Variants in NAV1 observed in about 807,000 individuals in gnomAD.
NAV1 encodes the protein neuron navigator 1.
In NAV1, 18 loss-of-function variants were observed where a neutral mutation model predicts 175.2. The ratio of observed to expected loss-of-function variants is 0.10; its 90% CI spans 0.07 to 0.15. The LOEUF (loss-of-function observed/expected upper bound fraction) is 0.15, where lower values mean the gene tolerates loss of function less well. NAV1 is among the 10% of genes least tolerant of loss of function. NAV1 has a pLI of 1.00. For synonymous variants in NAV1, 897 were observed against 978.7 expected, an observed-to-expected ratio of 0.92 and a Z score of 1.56; for missense variants, 1,731 against 2,436.6, an observed-to-expected ratio of 0.71 and a Z score of 6.10.
At chr1:201,779,598 C>CAACAAAA (rs1676179171) in intron 3 of NAV1, among the ~76,000 whole-genome samples, 1 of 69,076 alleles carries the variant, frequency 1.4e-5, no homozygotes, top group Non-Finnish European at 2.4e-5. Flanking sequence ...GACTCCGTCT[C>CAACAAAA]AAAAAAAAAA....
chr1:201,633,322 C>T (rs1311397897), intron 2 of NAV1, among the ~76,000 whole-genome samples: 1 of 152,172 alleles, frequency 6.6e-6, no homozygotes, highest in Non-Finnish European at 1.5e-5. Context: ...TCATGAATAC[C>T]TTATATAATC....
In NAV1 at chr1:201,690,350, C is replaced by A. The variant is rs542546196; in HGVS notation, c.758-22467C>A. ...CAGTGTGTGTCTGTTTCCTCTGTGG[C>A]CTATATGTGGCAGAATGTGTCTATT... is the stretch of plus-strand genomic sequence containing the variant. On this transcript the variant is annotated intron_variant, in intron 1 of 29. Transcript: ENST00000367296. Among the ~76,000 whole-genome samples, 7 of 86,606 alleles carry A rather than the reference C, an allele frequency of 8.1e-5. 1 individual carries two copies. The East Asian group carries it at 2.2e-3, about 28-fold the overall frequency. 56.8% of individuals were successfully genotyped at this position (86,606 alleles called of 152,430 possible).
chr1:201,716,574 G>C (rs1361428316), intron 2 of NAV1, among the ~76,000 whole-genome samples: 8 of 152,238 alleles, frequency 5.3e-5, no homozygotes, highest in Admixed American at 5.2e-4. Flanking sequence ...AGAACACAAA[G>C]GGGTTCCTAA....
At chr1:201,549,868 G>T (rs748121688) in intron 1 of NAV1, among the ~76,000 whole-genome samples, 82 of 151,502 alleles carry the variant, frequency 5.4e-4, no homozygotes, top group Non-Finnish European at 8.4e-4. Context: ...AAAATTAGCC[G>T]GGTGTGGTGG....
At chr1:201,676,256 C>T (rs916981738) in intron 1 of NAV1, among the ~76,000 whole-genome samples, 29 of 152,192 alleles carry the variant, frequency 1.9e-4, no homozygotes, top group African/African-American at 7.0e-4. Flanking sequence ...CAGCCACTCC[C>T]TCTGCTTTTA....
chr1:201,573,652 T>C (rs1168441235), intron 1 of NAV1, among the ~76,000 whole-genome samples: 1 of 152,214 alleles, frequency 6.6e-6, no homozygotes. Context: ...AGGGATCTTG[T>C]GATGATTAAG....
exon 7 of NAV1, chr1:201,783,691 G>T: frequency 6.2e-7 from 1 of 1,614,198 alleles, no homozygotes; most frequent in East Asian, 2.2e-5. Flanking sequence ...TCTCAGGCCT[G>T]CACAGGAGCA....
At chr1:201,742,716 G>C (rs1673502255) in intron 3 of NAV1, among the ~76,000 whole-genome samples, 1 of 152,150 alleles carries the variant, frequency 6.6e-6, no homozygotes, top group South Asian at 2.1e-4. Flanking sequence ...CCCTGGGGCA[G>C]AGGGCTTCGG....
intron 1 of NAV1, among the ~76,000 whole-genome samples, chr1:201,686,553 G>A (rs1458746838): frequency 6.6e-6 from 1 of 152,194 alleles, no homozygotes; most frequent in African/African-American, 2.4e-5. Flanking sequence ...TCTCTAGTGT[G>A]TCCCAGACAT....
exon 30 of NAV1, chr1:201,822,140 A>G (rs1679422491): frequency 6.6e-6 from 1 of 152,624 alleles, no homozygotes; most frequent in African/African-American, 2.4e-5. Flanking sequence ...TGCTAATTCC[A>G]TGAGCTGTGA....
Position 201,810,677 on chromosome 1 carries a change from C to T in NAV1, c.4716C>T (p.Ala1572=), listed in dbSNP as rs200692891. The T allele has an allele frequency of 2.1e-5, 34 of 1,614,148 alleles. 1 individual carries two copies. The highest frequency in any genetic ancestry group is 1.4e-4 in the South Asian group (13 of 91,084). Residue 1572 remains alanine, a synonymous_variant, in exon 24 of 30, where the codon GCC becomes GCT. Transcript: ENST00000367296. The surrounding 1 kb of genome is among the most constrained non-coding windows in gnomAD (Gnocchi z 6.0). The stretch of plus-strand genomic sequence containing the variant: ...AGACCTACCTGACCAATCGCTTGGC[C>T]GAGTACCTGGTGGAGCGCTCTGGCC...
intron 2 of NAV1, among the ~76,000 whole-genome samples, chr1:201,605,598 T>C (rs1482709840): frequency 6.6e-6 from 1 of 152,184 alleles, no homozygotes; most frequent in African/African-American, 2.4e-5. Context: ...CGGGCATTTT[T>C]TGTTTAGACA....
intron 7 of NAV1, among the ~76,000 whole-genome samples, chr1:201,784,361 T>G (rs1676549393): frequency 6.6e-6 from 1 of 152,190 alleles, no homozygotes; most frequent in South Asian, 2.1e-4. Flanking sequence ...TTTCACCATG[T>G]TGGCCAGGCT....
intron 2 of NAV1, among the ~76,000 whole-genome samples, chr1:201,630,861 T>G (rs1213633822): frequency 2.0e-5 from 3 of 152,244 alleles, no homozygotes; most frequent in Non-Finnish European, 2.9e-5. Context: ...GGCTTCCTCA[T>G]GTGGATGCCA....
At chr1:201,666,480 A>T (rs946672567) in intron 1 of NAV1, among the ~76,000 whole-genome samples, 4 of 152,306 alleles carry the variant, frequency 2.6e-5, no homozygotes, top group African/African-American at 9.6e-5. Context: ...CTTTATATCC[A>T]CTGAGGAGAG....
exon 1 of NAV1, chr1:201,649,231 C>T (rs1031582042): frequency 6.2e-7 from 1 of 1,613,100 alleles, no homozygotes; most frequent in Non-Finnish European, 8.5e-7. Context: ...CTCAGCAAGG[C>T]GCCTGAAGCG....
chr1:201,607,170 C>T (rs1402356998), intron 2 of NAV1, among the ~76,000 whole-genome samples: 1 of 145,404 alleles, frequency 6.9e-6, no homozygotes, highest in Admixed American at 7.0e-5. Context: ...GGCTGGAGTG[C>T]AGTGGCAGGA....
At chr1:201,691,297 C>T (rs1160106119) in intron 1 of NAV1, among the ~76,000 whole-genome samples, 2 of 152,184 alleles carry the variant, frequency 1.3e-5, no homozygotes, top group South Asian at 2.1e-4. Flanking sequence ...ATAGAGGCAC[C>T]GTAGTATGCT....
chr1:201,624,400 G>T (rs183013991), intron 1 of NAV1, among the ~76,000 whole-genome samples: 1 of 132,980 alleles, frequency 7.5e-6, no homozygotes, highest in East Asian at 2.4e-4. Flanking sequence ...CTGGAGTACA[G>T]TGGTGCGATC....
Sources: gnomAD v4.1 joint callset for allele counts (sites outside exome capture counted in the v4.1 genomes callset) on GRCh38, gnomAD v4.1.1 for gene constraint, Gnocchi (gnomAD v3.1) non-coding constraint, MANE v1.5 for transcripts, NCBI Gene and HGNC (gene_info 2026-07-23, HGNC 2026-07-21) for gene names.